The following PDE11A variants were observed in gnomAD, a reference collection of about 807,000 sequenced individuals.
PDE11A encodes the protein phosphodiesterase 11A, also known as dual 3',5'-cyclic-AMP and -GMP phosphodiesterase 11A.
PDE11A carries 100 observed loss-of-function variants against 100.5 expected under a neutral mutation model. That is an observed-to-expected ratio of 1.00 (90% CI 0.85 to 1.18). PDE11A has a LOEUF of 1.18. Ranked by LOEUF, PDE11A falls within the 50% of genes most tolerant of loss-of-function variation. PDE11A has a pLI of 0.00. For missense variants in PDE11A, 1,141 were observed against 1,152.6 expected, an observed-to-expected ratio of 0.99 and a Z score of 0.15; for synonymous variants, 381 against 420.8, an observed-to-expected ratio of 0.91 and a Z score of 1.16.
chr2:177,763,312 G>C (rs1484318092), intron 10 of PDE11A, among the ~76,000 whole-genome samples: 1 of 152,192 alleles, frequency 6.6e-6, no homozygotes, highest in Non-Finnish European at 1.5e-5. Flanking sequence ...CCAAAGGCGG[G>C]CACAGAAGAG....
intron 17 of PDE11A, among the ~76,000 whole-genome samples, chr2:177,672,302 A>G (rs1405034077): frequency 6.6e-6 from 1 of 152,226 alleles, no homozygotes; most frequent in Non-Finnish European, 1.5e-5. Flanking sequence ...TTGGTGAAAT[A>G]CTCTATTGGA....
At chr2:177,971,389 G>T (rs2085768772) in intron 2 of PDE11A, among the ~76,000 whole-genome samples, 1 of 152,128 alleles carries the variant, frequency 6.6e-6, no homozygotes, top group Non-Finnish European at 1.5e-5. Flanking sequence ...TAAGTGACTT[G>T]CCCAGGTCCC....
chr2:177,954,301 G>A (rs925851446), intron 2 of PDE11A, among the ~76,000 whole-genome samples: 6 of 151,976 alleles, frequency 3.9e-5, no homozygotes. Context: ...TTTAGTTATA[G>A]CACAATTACT....
At chr2:177,667,224 A>T (rs1033863584) in intron 18 of PDE11A, among the ~76,000 whole-genome samples, 5 of 152,090 alleles carry the variant, frequency 3.3e-5, no homozygotes, top group Non-Finnish European at 5.9e-5. Context: ...GTTCAATTTA[A>T]TTTTAATGAA....
At chr2:177,998,660 A>G (rs998569342) in intron 2 of PDE11A, 16 of 1,235,918 alleles carry the variant, frequency 1.3e-5, no homozygotes, top group Non-Finnish European at 1.8e-5. Context: ...CCTTAGTACC[A>G]CCTTTCACAC....
At chr2:177,757,785 T>A (rs559694784) in intron 10 of PDE11A, among the ~76,000 whole-genome samples, 43 of 152,082 alleles carry the variant, frequency 2.8e-4, no homozygotes, top group African/African-American at 1.0e-3. Context: ...CCTGGGGGGA[T>A]GAGGTGAAAT....
At chr2:177,953,089 T>C (rs555301309) in intron 2 of PDE11A, 1 of 152,128 alleles carries the variant, frequency 6.6e-6, no homozygotes, top group Non-Finnish European at 1.5e-5. Flanking sequence ...GGAAATGAAA[T>C]AGGCAGGTAA....
At chr2:177,848,796 A>C (rs1249633627) in intron 5 of PDE11A, among the ~76,000 whole-genome samples, 1 of 152,132 alleles carries the variant, frequency 6.6e-6, no homozygotes, top group Non-Finnish European at 1.5e-5. Context: ...AGACAAAATA[A>C]AATACCCCAG....
intron 2 of PDE11A, chr2:177,953,119 AAATTTT>A (rs948577942): frequency 3.9e-5 from 6 of 152,290 alleles, no homozygotes; most frequent in African/African-American, 1.2e-4. Context: ...TCAGGTGTAG[AAATTTT>A]ATAAGATAGA....
intron 15 of PDE11A, among the ~76,000 whole-genome samples, chr2:177,688,533 C>T (rs553070289): frequency 1.3e-5 from 2 of 152,116 alleles, no homozygotes; most frequent in African/African-American, 4.8e-5. Context: ...ACAAAAATAC[C>T]CAATACCCGC....
At chr2:177,639,314 C>T (rs959062571) in intron 19 of PDE11A, among the ~76,000 whole-genome samples, 3 of 152,118 alleles carry the variant, frequency 2.0e-5, no homozygotes, top group African/African-American at 7.2e-5. Context: ...TCAACCATGG[C>T]TAGTAGTAGA....
chr2:177,646,876 A>G (rs2080231393), intron 19 of PDE11A, among the ~76,000 whole-genome samples: 1 of 152,240 alleles, frequency 6.6e-6, no homozygotes. Context: ...GCAAGCCTAA[A>G]GACAGCTCAT....
chr2:177,894,249 T>G (rs2084575253), intron 4 of PDE11A, among the ~76,000 whole-genome samples: 1 of 152,208 alleles, frequency 6.6e-6, no homozygotes, highest in African/African-American at 2.4e-5. Context: ...ATGCCTAGTG[T>G]TGGTAAGTTT....
intron 3 of PDE11A, among the ~76,000 whole-genome samples, chr2:177,903,937 A>C (rs193279035): frequency 3.9e-5 from 6 of 152,368 alleles, no homozygotes; most frequent in African/African-American, 1.4e-4. Flanking sequence ...AGATCAAAAC[A>C]GAGAAAAGAT....
chr2:177,702,314 C>CA (rs11352844), intron 13 of PDE11A, among the ~76,000 whole-genome samples: 4,471 of 140,762 alleles, frequency 0.032, 173 homozygotes, highest in African/African-American at 0.099. Context: ...GACTCCGTCT[C>CA]AAAAAAAAAA....
At chr2:177,711,902 A>G in intron 12 of PDE11A, 24 bp from the exon 13 acceptor site, 4 of 1,211,422 alleles carry the variant, frequency 3.3e-6, no homozygotes, top group Non-Finnish European at 4.9e-6. Flanking sequence ...GAAAATGGCA[A>G]CAGTCACTAC....
At chr2:177,904,541 T>C (rs1025428865) in intron 3 of PDE11A, among the ~76,000 whole-genome samples, 1 of 150,774 alleles carries the variant, frequency 6.6e-6, no homozygotes, top group Non-Finnish European at 1.5e-5. Context: ...ATAGTATAGA[T>C]GTGATATTAA....
chr2:177,971,160 A>ACTCATTAG lies in PDE11A; in HGVS notation c.1071+43134_1071+43141dup, dbSNP rs1400426256. ...ACAAACATTGCTGTATAGAAAAACC[A>ACTCATTAG]CTCATTAGCAAGGCCTTAGGCAACT... On this transcript the variant is annotated intron_variant, in intron 2 of 19. Transcript: ENST00000286063. 4.6e-5 allele frequency among the ~76,000 whole-genome samples: 7 copies of ACTCATTAG among 152,136 alleles called. No individual in the cohort carries two copies. In the East Asian group the frequency reaches 1.3e-3, roughly 29 times the overall value.
intron 1 of PDE11A, among the ~76,000 whole-genome samples, chr2:178,025,871 A>G (rs1232953875): frequency 6.6e-6 from 1 of 152,196 alleles, no homozygotes. Flanking sequence ...AAGAACTGCA[A>G]TGAATCAGGG....
Sources: allele counts gnomAD v4.1 joint callset (sites outside exome capture counted in the v4.1 genomes callset), GRCh38; gene constraint gnomAD v4.1.1; transcripts MANE v1.5; gene names NCBI Gene and HGNC (gene_info 2026-07-23, HGNC 2026-07-21).